The following NAV1 variants were observed in gnomAD, a reference collection of about 807,000 sequenced individuals.
NAV1 encodes pore membrane and/or filament interacting like protein 3.
Under a neutral mutation model 175.2 loss-of-function variants are expected in NAV1, and 18 were observed. The observed-to-expected ratio is 0.10, with a 90% CI of 0.07 to 0.15. NAV1 has a LOEUF of 0.15. Ranked by LOEUF, NAV1 falls within the 10% of genes least tolerant of loss-of-function variation. NAV1 has a pLI of 1.00. For synonymous variants in NAV1, 897 were observed against 978.7 expected, an observed-to-expected ratio of 0.92 and a Z score of 1.56; for missense variants, 1,731 against 2,436.6, an observed-to-expected ratio of 0.71 and a Z score of 6.10.
At chr1:201,684,153 T>C (rs914211175) in intron 1 of NAV1, among the ~76,000 whole-genome samples, 6 of 152,200 alleles carry the variant, frequency 3.9e-5, no homozygotes, top group Non-Finnish European at 7.3e-5. Context: ...CAAGATGCTC[T>C]AGGTTCATTT....
At position 201,743,060 on chromosome 1, in the gene NAV1, T is replaced by C. The variant is rs181699130; in HGVS notation, c.1226+24305T>C. ...TCATTTAATCTTCACAACAACCGTA[T>C]GAGGTATATATTATTATCATCCCAT... is the stretch of plus-strand genomic sequence containing the variant. On this transcript the variant is annotated intron_variant, in intron 3 of 29. Transcript: ENST00000367296. Among the ~76,000 whole-genome samples, 297 of 152,238 alleles carry C rather than the reference T, an allele frequency of 2.0e-3. 1 individual carries two copies. Among genetic ancestry groups the C allele is most frequent in the Non-Finnish European group, 1.1e-3 (78 of 68,012 alleles).
At chr1:201,747,489 T>C (rs939382727) in intron 3 of NAV1, among the ~76,000 whole-genome samples, 1 of 152,194 alleles carries the variant, frequency 6.6e-6, no homozygotes, top group Non-Finnish European at 1.5e-5. Flanking sequence ...ACTTGGGATT[T>C]ATTCCTGGGT....
intron 1 of NAV1, among the ~76,000 whole-genome samples, chr1:201,566,702 CTGAT>C (rs1666364057): frequency 2.0e-5 from 3 of 151,978 alleles, no homozygotes; most frequent in Admixed American, 2.0e-4. Context: ...TTTTTTCTTC[CTGAT>C]TAACAAAGCT....
chr1:201,765,381 C>CTTTTTTTT (rs59583786), intron 3 of NAV1, among the ~76,000 whole-genome samples: 8 of 98,616 alleles, frequency 8.1e-5, no homozygotes, highest in East Asian at 3.2e-4. Flanking sequence ...AGGAAATATT[C>CTTTTTTTT]TTTTTTTTTT....
chr1:201,735,504 C>T (rs1673080946), intron 3 of NAV1, among the ~76,000 whole-genome samples: 1 of 152,214 alleles, frequency 6.6e-6, no homozygotes, highest in African/African-American at 2.4e-5. Context: ...AAGCGCCCCA[C>T]ATTCATGCAT....
chr1:201,673,995 C>T (rs1247998816), intron 1 of NAV1: 4 of 152,178 alleles, frequency 2.6e-5, no homozygotes, highest in Non-Finnish European at 5.9e-5. Context: ...CCTAAGCCAA[C>T]ATTTCTCAGT....
At chr1:201,804,372 AC>A in intron 16 of NAV1, 116 bp from the exon 21 acceptor site, 2 of 1,047,882 alleles carry the variant, frequency 1.9e-6, no homozygotes, top group African/African-American at 1.6e-5. Context: ...AGTAAGACAC[AC>A]CCCCAGACCT....
chr1:201,710,955 G>A (rs113544105), intron 1 of NAV1, among the ~76,000 whole-genome samples: 54 of 152,194 alleles, frequency 3.5e-4, no homozygotes, highest in Admixed American at 1.7e-3. Flanking sequence ...GCATCACCCT[G>A]GGCCAGAAAC....
intron 3 of NAV1, among the ~76,000 whole-genome samples, chr1:201,722,716 C>T (rs1418912719): frequency 6.6e-6 from 1 of 152,184 alleles, no homozygotes; most frequent in Non-Finnish European, 1.5e-5. Context: ...TCCACAATGG[C>T]TGCACCATTT....
intron 3 of NAV1, among the ~76,000 whole-genome samples, chr1:201,734,493 GAGAAGGAGA>G (rs1363684974): frequency 7.0e-5 from 5 of 71,680 alleles, no homozygotes; most frequent in South Asian, 5.9e-4. Flanking sequence ...GAGGAAGAAG[GAGAAGGAGA>G]AGAAGAAGAA....
At chr1:201,785,655 A>G (rs372234621) in intron 8 of NAV1, among the ~76,000 whole-genome samples, 56 of 151,994 alleles carry the variant, frequency 3.7e-4, no homozygotes, top group African/African-American at 1.2e-3. Flanking sequence ...CATCTCTGTA[A>G]TTTTCTTCCC....
chr1:201,794,336 G>T, intron 14 of NAV1, 130 bp from the exon 19 acceptor site: 1 of 788,070 alleles, frequency 1.3e-6, no homozygotes. Context: ...ATTTTTAATG[G>T]AGACCAGGTG....
intron 1 of NAV1, among the ~76,000 whole-genome samples, chr1:201,652,459 A>T (rs1015883410): frequency 6.6e-6 from 1 of 152,194 alleles, no homozygotes; most frequent in Admixed American, 6.5e-5. Flanking sequence ...CTGAGGAGTG[A>T]GTACCGAGGG....
chr1:201,761,331 T>C (rs1025686874), intron 3 of NAV1, among the ~76,000 whole-genome samples: 8 of 152,206 alleles, frequency 5.3e-5, no homozygotes, highest in Non-Finnish European at 1.2e-4. Flanking sequence ...TGGTTTGTGG[T>C]GGGAAGCTTC....
chr1:201,742,792 T>G (rs573103451), intron 3 of NAV1, among the ~76,000 whole-genome samples: 65 of 152,240 alleles, frequency 4.3e-4, no homozygotes, highest in African/African-American at 1.4e-3. Flanking sequence ...AATGAGCTGC[T>G]TCTCGTTAGA....
At chr1:201,646,472 A>G (rs949779733), upstream of NAV1, among the ~76,000 whole-genome samples, 2 of 152,106 alleles carry the variant, frequency 1.3e-5, no homozygotes, top group Admixed American at 1.3e-4. Flanking sequence ...CAAGTCTTGT[A>G]TTGTCTACCT....
chr1:201,807,604 G>A lies in NAV1; in HGVS notation c.3649-349G>A, dbSNP rs543622670. ...CCCCCTATGAGCAAGAGAACACCCA[G>A]GAAGTTCCCATAGCCTACAACATCA... On this transcript the variant is annotated intron_variant, in intron 17 of 29. Transcript: ENST00000367296. This position sits in a 1 kb window ranked among gnomAD's most constrained non-coding sequence, Gnocchi z 5.4. 2.6e-5 allele frequency among the ~76,000 whole-genome samples: 4 copies of A among 152,334 alleles called. No individual in the cohort carries two copies. The highest frequency in any genetic ancestry group is 5.9e-5 in the Non-Finnish European group (4 of 68,030).
intron 1 of NAV1, among the ~76,000 whole-genome samples, chr1:201,651,394 TGGGAGGAGGGGCAGGAGTG>T (rs1026094684): frequency 2.1e-4 from 32 of 150,798 alleles, no homozygotes; most frequent in African/African-American, 7.3e-4. Context: ...GCTAGGGAGA[TGGGAGGAGGGGCAGGAGTG>T]GGGAGGAGGG....
chr1:201,569,880 C>G (rs1324838500), intron 1 of NAV1, among the ~76,000 whole-genome samples: 1 of 152,176 alleles, frequency 6.6e-6, no homozygotes, highest in Non-Finnish European at 1.5e-5. Flanking sequence ...AGGCTTCTGA[C>G]TAGTGTGTGA....
Sources: gnomAD v4.1 joint callset for allele counts (sites outside exome capture counted in the v4.1 genomes callset) on GRCh38, gnomAD v4.1.1 for gene constraint, Gnocchi (gnomAD v3.1) non-coding constraint, MANE v1.5 for transcripts, NCBI Gene and HGNC (gene_info 2026-07-23, HGNC 2026-07-21) for gene names.